The following ZCCHC8 variants were observed in gnomAD, a reference collection of about 807,000 sequenced individuals.
ZCCHC8 encodes zinc finger CCHC domain-containing protein 8.
In ZCCHC8, 27 loss-of-function variants were observed where a neutral mutation model predicts 70.6. That is an observed-to-expected ratio of 0.38 (90% CI 0.28 to 0.53). ZCCHC8 has a LOEUF of 0.53. Ranked by LOEUF, ZCCHC8 falls within the 20% of genes least tolerant of loss-of-function variation. ZCCHC8 has a pLI of 0.81. For synonymous variants in ZCCHC8, 293 were observed against 317.4 expected (o/e 0.92, Z 0.82); for missense variants, 737 against 876.9 (o/e 0.84, Z 2.01).
At chr12:122,499,079 A>G (rs2137377766) in intron 1 of ZCCHC8, 3 of 574,334 alleles carry the variant, frequency 5.2e-6, no homozygotes, top group Non-Finnish European at 9.2e-6. Context: ...CCTTTCGAAC[A>G]TATATTCTAA....
In ZCCHC8 at chr12:122,474,176, G is replaced by A. The variant is rs1957370518; in HGVS notation, c.1445C>T (p.Pro482Leu). The change falls in exon 14 of 14, where the codon CCC becomes CTC. Residue 482 changes from proline (P) to leucine (L), a missense_variant. Pro to Leu is a moderately conservative substitution (Grantham distance 98). Coordinates refer to ENST00000633063, the MANE Select transcript of ZCCHC8 (RefSeq NM_017612.5). ...TPPLPRGTPP[P>L]VFTPPLPKGT... ...CTTTGGGAGTGGAGGGGTGAAGACG[G>A]GTGGAGGAGTTCCCCGGGGGAGTGG... 9.2e-6 allele frequency: 14 copies of A among 1,515,792 alleles called. No individual in the cohort carries two copies. Among genetic ancestry groups the A allele is most frequent in the African/African-American group, 1.4e-5 (1 of 71,186 alleles). 93.9% of individuals were successfully genotyped at this position (1,515,792 alleles called of 1,614,324 possible). A position where few individuals can be genotyped will look rare whatever the true frequency, so the allele number is the denominator to read the frequency against.
intron 2 of ZCCHC8, among the ~76,000 whole-genome samples, chr12:122,493,962 T>C (rs1311552463): frequency 1.3e-5 from 2 of 152,302 alleles, no homozygotes; most frequent in African/African-American, 2.4e-5. Flanking sequence ...CTTGGAAGTA[T>C]ATAGGAAAGA....
At chr12:122,477,998 A>C (rs372057499) in intron 12 of ZCCHC8, 40 bp from the exon 13 acceptor site, 57 of 1,485,640 alleles carry the variant, frequency 3.8e-5, no homozygotes, top group Non-Finnish European at 5.2e-5. Context: ...TAAGCGGGGT[A>C]GATAATGAAT....
At chr12:122,480,133 A>G in intron 11 of ZCCHC8, 57 bp downstream of exon 11, 1 of 1,463,052 alleles carries the variant, frequency 6.8e-7, no homozygotes, top group Non-Finnish European at 9.3e-7. Context: ...ATTTTGACCA[A>G]TCTTTAACAT....
In ZCCHC8 at chr12:122,500,896, A is replaced by T; in HGVS notation, c.-56T>A. The T allele has an allele frequency of 6.5e-7, 1 of 1,533,136 alleles. No homozygotes were observed. Among genetic ancestry groups the T allele is most frequent in the Non-Finnish European group, 8.8e-7 (1 of 1,135,254 alleles). The allele number at this position is 1,533,136 out of a possible 1,614,324, so 95.0% of individuals were successfully genotyped here. On this transcript the variant is annotated 5_prime_UTR_variant, in exon 1 of 14. Transcript: ENST00000633063. The surrounding 1 kb of genome is among the most constrained non-coding windows in gnomAD (Gnocchi z 4.8). ...CGGAGCCGGCCACCAGGGCTTGGGG[A>T]AGAAGGTTGGAAGGCGGCACCACTC...
Position 122,477,873 on chromosome 12 carries a change from G to C in ZCCHC8, c.1313C>G (p.Ala438Gly), listed in dbSNP as rs776584825. 2 of 1,612,666 alleles carry C rather than the reference G, an allele frequency of 1.2e-6. No individual in the cohort carries two copies. Among genetic ancestry groups the C allele is most frequent in the Non-Finnish European group, 1.7e-6 (2 of 1,179,410 alleles). The change falls in exon 13 of 14, where the codon GCG becomes GGG. Residue 438 changes from alanine to glycine, a missense_variant. Ala to Gly is a moderately conservative substitution (Grantham distance 60). Transcript: ENST00000633063. ...GAGCTCCATGTCGGCGGGAGATCCC[G>C]CTGAGTTGCTTTCATTCTTCTGCTT... is the stretch of plus-strand genomic sequence containing the variant. The part of the protein sequence containing the change: ...PKKQKNESNS[A>G]GSPADMELDS...
chr12:122,480,445 A>T, intron 10 of ZCCHC8, 134 bp from the exon 11 acceptor site: 2 of 716,636 alleles, frequency 2.8e-6, no homozygotes, highest in Non-Finnish European at 4.1e-6. Context: ...AATTTTCATT[A>T]TAATTTTTCT....
chr12:122,478,910 G>A (rs796247279), intron 11 of ZCCHC8, among the ~76,000 whole-genome samples: 23 of 152,204 alleles, frequency 1.5e-4, no homozygotes, highest in African/African-American at 4.3e-4. Context: ...CTGGAAGCTG[G>A]ACTGGCTTCC....
chr12:122,485,532 G>A (rs1326559191), intron 5 of ZCCHC8, among the ~76,000 whole-genome samples: 1 of 152,118 alleles, frequency 6.6e-6, no homozygotes, highest in Non-Finnish European at 1.5e-5. Flanking sequence ...TTTTATATAT[G>A]GAAGTGTCAA....
intron 5 of ZCCHC8, among the ~76,000 whole-genome samples, chr12:122,488,035 ATT>A (rs568286934): frequency 4.2e-5 from 6 of 141,346 alleles, no homozygotes; most frequent in Non-Finnish European, 4.7e-5. Context: ...CACTTGGCTA[ATT>A]TTTTTTTTTT....
rs1281391643 is a variant in ZCCHC8, at chr12:122,500,631, G to A, written c.199+11C>T. 6.4e-7 allele frequency: 1 copy of A among 1,561,692 alleles called. No homozygotes were observed. The highest frequency in any genetic ancestry group is 8.7e-7 in the Non-Finnish European group (1 of 1,155,722). On this transcript the variant is annotated intron_variant, in intron 1 of 13. Coordinates refer to ENST00000633063, the MANE Select transcript of ZCCHC8 (RefSeq NM_017612.5). This position sits in a 1 kb window ranked among gnomAD's most constrained non-coding sequence, Gnocchi z 4.8. ...ACCCGGGTGACAGGGCCCAGCGAGA[G>A]GAAAGGATATTCTCGGCGCGGAGCT...
chr12:122,487,383 A>G (rs1033120189), intron 5 of ZCCHC8, among the ~76,000 whole-genome samples: 15 of 152,232 alleles, frequency 9.9e-5, no homozygotes, highest in African/African-American at 3.1e-4. Context: ...GGCAAGTGCC[A>G]CTTTCAATCC....
chr12:122,497,606 G>T (rs1957846228), intron 2 of ZCCHC8, among the ~76,000 whole-genome samples: 1 of 152,078 alleles, frequency 6.6e-6, no homozygotes, highest in African/African-American at 2.4e-5. Flanking sequence ...TCCAAATTCT[G>T]AAAGCTTGAA....
At chr12:122,494,228 C>T (rs1156697408) in intron 2 of ZCCHC8, among the ~76,000 whole-genome samples, 1 of 152,034 alleles carries the variant, frequency 6.6e-6, no homozygotes, top group Non-Finnish European at 1.5e-5. Context: ...AAATAAATGT[C>T]TCTATTTGGA....
At chr12:122,485,090 C>T (rs887084761) in intron 5 of ZCCHC8, among the ~76,000 whole-genome samples, 1 of 152,134 alleles carries the variant, frequency 6.6e-6, no homozygotes, top group African/African-American at 2.4e-5. Flanking sequence ...TGTATGCTTA[C>T]GACTTCTAAA....
chr12:122,496,156 G>T (rs1325627095), intron 2 of ZCCHC8, among the ~76,000 whole-genome samples: 1 of 116,608 alleles, frequency 8.6e-6, no homozygotes, highest in Non-Finnish European at 1.7e-5. Context: ...GACAGAGTGA[G>T]AAATTGTCTC....
intron 10 of ZCCHC8, chr12:122,481,262 A>G (rs1268628925): frequency 3.7e-6 from 1 of 269,290 alleles, no homozygotes; most frequent in Non-Finnish European, 6.9e-6. Context: ...CAAAGATAAG[A>G]GCTTATGAGG....
Position 122,481,393 on chromosome 12 carries a change from T to C in ZCCHC8, c.1018+129A>G, listed in dbSNP as rs568757590. ...CCTTGTAAAATTTACCAAGGAAACA[T>C]CATCATGATATTTTTTAGTTAGCAC... On this transcript the variant is annotated intron_variant, in intron 10 of 13. Transcript: ENST00000633063. The C allele has an allele frequency of 1.3e-5, 16 of 1,194,936 alleles. No individual in the cohort carries two copies. In the South Asian group the frequency reaches 2.8e-4, roughly 21 times the overall value. The allele number at this position is 1,194,936 out of a possible 1,614,324, so 74.0% of individuals were successfully genotyped here.
chr12:122,475,202 A>G (rs751441831), intron 13 of ZCCHC8, among the ~76,000 whole-genome samples: 1 of 150,024 alleles, frequency 6.7e-6, no homozygotes, highest in African/African-American at 2.5e-5. Context: ...GCACGCCAAC[A>G]TGCCCGGCTG....
Sources: gnomAD v4.1 joint callset for allele counts (sites outside exome capture counted in the v4.1 genomes callset) on GRCh38, gnomAD v4.1.1 for gene constraint, Gnocchi (gnomAD v3.1) non-coding constraint, MANE v1.5 for transcripts, NCBI Gene and HGNC (gene_info 2026-07-23, HGNC 2026-07-21) for gene names.